Variants in TAF4B observed in about 807,000 individuals in gnomAD.
TAF4B encodes transcription initiation factor TFIID subunit 4B.
A neutral mutation model predicts 86.4 loss-of-function variants in TAF4B; 38 were observed. The ratio of observed to expected loss-of-function variants is 0.44; its 90% CI spans 0.34 to 0.58. The LOEUF (loss-of-function observed/expected upper bound fraction) is 0.58. TAF4B is among the 20% of genes least tolerant of loss of function. The pLI is 0.02. For synonymous variants in TAF4B, 388 were observed against 391.2 expected (o/e 0.99, Z 0.10); for missense variants, 988 against 1,027.6 (o/e 0.96, Z 0.53).
At chr18:26,309,604 A>G (rs2056833723) in intron 9 of TAF4B, among the ~76,000 whole-genome samples, 1 of 152,080 alleles carries the variant, frequency 6.6e-6, no homozygotes, top group Non-Finnish European at 1.5e-5. Flanking sequence ...TTAAATTTTG[A>G]TATGTTAATT....
chr18:26,315,851 T>TATC (rs2056905670), intron 10 of TAF4B, among the ~76,000 whole-genome samples: 1 of 152,182 alleles, frequency 6.6e-6, no homozygotes. Context: ...GATTAGAGTC[T>TATC]TAGGGTCCTC....
chr18:26,315,144 C>T (rs866083208), intron 9 of TAF4B, 85 bp from the exon 10 acceptor site: 7 of 247,744 alleles, frequency 2.8e-5, no homozygotes, highest in Middle Eastern at 1.2e-3. Flanking sequence ...CTCTCTCTCT[C>T]TGTCTCTCTC....
At chr18:26,328,407 G>A (rs2057023367) in intron 12 of TAF4B, among the ~76,000 whole-genome samples, 1 of 151,874 alleles carries the variant, frequency 6.6e-6, no homozygotes, top group African/African-American at 2.4e-5. Context: ...CTGAAATCGT[G>A]CCACTACACT....
chr18:26,265,341 CTT>C (rs748249024), intron 2 of TAF4B, 26 bp downstream of exon 2: 1 of 1,568,662 alleles, frequency 6.4e-7, no homozygotes, highest in Non-Finnish European at 8.6e-7. Flanking sequence ...TATTTTTCAT[CTT>C]TCTTTGTTTC....
intron 13 of TAF4B, among the ~76,000 whole-genome samples, chr18:26,349,960 G>A (rs1430404512): frequency 6.6e-6 from 1 of 152,144 alleles, no homozygotes; most frequent in Admixed American, 6.5e-5. Context: ...ATATACCAGG[G>A]AAAGCATGTT....
intron 14 of TAF4B, among the ~76,000 whole-genome samples, chr18:26,367,640 G>A (rs369648223): frequency 5.3e-5 from 8 of 152,134 alleles, no homozygotes; most frequent in African/African-American, 1.4e-4. Context: ...TGTTTTACCA[G>A]CTATCTGGGT....
rs1241915413 is a variant in TAF4B, at chr18:26,391,558, T to G, written c.*1546T>G. On this transcript the variant is annotated 3_prime_UTR_variant, in exon 15 of 15. Coordinates refer to ENST00000269142, the MANE Select transcript of TAF4B (RefSeq NM_005640.3). ...GAAGAGATCTTTATCCAAAGTTGTT[T>G]TTGTATATTTAAATGCTTACCTTTA... 6.6e-6 allele frequency: 1 copy of G among 152,180 alleles called. No individual in the cohort carries two copies. The highest frequency in any genetic ancestry group is 1.5e-5 in the Non-Finnish European group (1 of 68,034). 9.4% of individuals were successfully genotyped at this position (152,180 alleles called of 1,614,324 possible).
intron 10 of TAF4B, among the ~76,000 whole-genome samples, chr18:26,319,664 A>G (rs1185060240): frequency 2.0e-5 from 3 of 151,930 alleles, no homozygotes; most frequent in African/African-American, 4.8e-5. Flanking sequence ...ATCTCAGCGC[A>G]CTGCAATTTC....
chr18:26,233,896 A>G (rs1246365331), intron 1 of TAF4B, among the ~76,000 whole-genome samples: 3 of 152,210 alleles, frequency 2.0e-5, no homozygotes, highest in African/African-American at 7.2e-5. Context: ...CCAAGGGATT[A>G]TTCCTTTGGC....
chr18:26,250,971 A>G lies in TAF4B; in HGVS notation c.344-14199A>G, dbSNP rs1180541921. Reference sequence around the variant, plus strand: ...TTTAATTTTTTCTTTTATTTATTCAATTCAGGAAATGAGGGAAATTTAAGT... The same window carrying G: ...TTTAATTTTTTCTTTTATTTATTCAGTTCAGGAAATGAGGGAAATTTAAGT... On this transcript the variant is annotated intron_variant, in intron 1 of 14. Coordinates refer to ENST00000269142, the MANE Select transcript of TAF4B (RefSeq NM_005640.3). Among the ~76,000 whole-genome samples, 6 of 152,306 alleles carry G rather than the reference A, an allele frequency of 3.9e-5. No individual in the cohort carries two copies. The East Asian group carries it at 5.8e-4, about 15-fold the overall frequency.
At chr18:26,227,352 C>A in intron 1 of TAF4B, 76 bp downstream of exon 1, 1 of 1,392,756 alleles carries the variant, frequency 7.2e-7, no homozygotes, top group Non-Finnish European at 9.9e-7. Flanking sequence ...CTCCAGATTG[C>A]TCCTAAAAAA....
At chr18:26,325,029 C>T (rs1019865136) in intron 11 of TAF4B, among the ~76,000 whole-genome samples, 1 of 152,220 alleles carries the variant, frequency 6.6e-6, no homozygotes, top group Non-Finnish European at 1.5e-5. Context: ...CCCCCCATCT[C>T]TTTCCACTCT....
chr18:26,354,321 C>T (rs542586250), intron 13 of TAF4B, among the ~76,000 whole-genome samples: 1 of 152,298 alleles, frequency 6.6e-6, no homozygotes, highest in Admixed American at 6.5e-5. Flanking sequence ...GATCTGCCCA[C>T]CTTGAACTCT....
At chr18:26,260,239 C>T (rs912035644) in intron 1 of TAF4B, among the ~76,000 whole-genome samples, 1 of 152,142 alleles carries the variant, frequency 6.6e-6, no homozygotes, top group Non-Finnish European at 1.5e-5. Flanking sequence ...GTTGCCTGTT[C>T]ACTCTGATGG....
chr18:26,230,285 G>C (rs2055645724), intron 1 of TAF4B, among the ~76,000 whole-genome samples: 1 of 152,202 alleles, frequency 6.6e-6, no homozygotes, highest in Non-Finnish European at 1.5e-5. Context: ...AGTTACTTAT[G>C]AAGCAGTGAG....
intron 13 of TAF4B, among the ~76,000 whole-genome samples, chr18:26,350,706 G>A (rs1345737305): frequency 2.0e-5 from 3 of 151,932 alleles, no homozygotes; most frequent in Non-Finnish European, 2.9e-5. Flanking sequence ...CAAACAAATG[G>A]GCAAATGATC....
chr18:26,344,931 G>A (rs1286664090), intron 13 of TAF4B, among the ~76,000 whole-genome samples: 1 of 152,140 alleles, frequency 6.6e-6, no homozygotes, highest in East Asian at 1.9e-4. Flanking sequence ...GGAGTCAAGA[G>A]AGACTTCCCA....
intron 1 of TAF4B, among the ~76,000 whole-genome samples, chr18:26,258,468 A>G (rs981048631): frequency 6.6e-6 from 1 of 152,178 alleles, no homozygotes; most frequent in Non-Finnish European, 1.5e-5. Flanking sequence ...AAATTTCCAA[A>G]GACGTAATTC....
In TAF4B at chr18:26,389,912, C is replaced by A. The variant is rs1316771484; in HGVS notation, c.2489C>A (p.Pro830Gln). 6.2e-7 allele frequency: 1 copy of A among 1,613,976 alleles called. No individual in the cohort carries two copies. Among genetic ancestry groups the A allele is most frequent in the Non-Finnish European group, 8.5e-7 (1 of 1,179,984 alleles). ...ACAGCCACCAAACAGTTGCATCGTC[C>A]AAGAATCACGAGAATCTGCCTCAGG... Reference protein sequence around the residue: ...SLTATKQLHRPRITRICLRDL... With the variant: ...SLTATKQLHRQRITRICLRDL... The change falls in exon 15 of 15, where the codon CCA becomes CAA. Residue 830 changes from proline (P) to glutamine (Q), a missense_variant. This residue lies in a region of TAF4B where 216 missense variants were observed against 238.4 expected (regional missense o/e 0.91). Coordinates refer to ENST00000269142, the MANE Select transcript of TAF4B (RefSeq NM_005640.3).
Sources: gnomAD v4.1 joint callset for allele counts (sites outside exome capture counted in the v4.1 genomes callset) on GRCh38, gnomAD v4.1.1 for gene constraint, gnomAD v4.1.1 regional missense constraint, MANE v1.5 for transcripts, NCBI Gene and HGNC (gene_info 2026-07-23, HGNC 2026-07-21) for gene names.